The following DSTN variants were observed in gnomAD, a reference collection of about 807,000 sequenced individuals.
DSTN encodes destrin, actin depolymerizing factor.
DSTN carries 10 observed loss-of-function variants against 16.8 expected under a neutral mutation model. The ratio of observed to expected loss-of-function variants is 0.60; its 90% CI spans 0.37 to 1.01. The LOEUF (loss-of-function observed/expected upper bound fraction) is 1.01. Ranked by LOEUF, DSTN falls within the 50% of genes least tolerant of loss-of-function variation. The pLI is 0.01. For synonymous variants in DSTN, 57 were observed against 58.9 expected (o/e 0.97, Z 0.14); for missense variants, 141 against 196.7 (o/e 0.72, Z 1.69).
intron 2 of DSTN, among the ~76,000 whole-genome samples, chr20:17,603,531 T>G (rs2035609154): frequency 6.6e-6 from 1 of 152,190 alleles, no homozygotes; most frequent in African/African-American, 2.4e-5. Flanking sequence ...ATTTTAGCAG[T>G]GTGGCATGGA....
At chr20:17,586,029 A>G (rs2035404176) in intron 1 of DSTN, among the ~76,000 whole-genome samples, 1 of 152,192 alleles carries the variant, frequency 6.6e-6, no homozygotes, top group Non-Finnish European at 1.5e-5. Context: ...AGAGAGAGAA[A>G]GCTTCCTTAT....
Position 17,570,148 on chromosome 20 carries a change from G to T in DSTN, c.-61G>T, listed in dbSNP as rs1181872965. 7.3e-6 allele frequency: 11 copies of T among 1,516,050 alleles called. No individual in the cohort carries two copies. Among genetic ancestry groups the T allele is most frequent in the South Asian group, 1.2e-5 (1 of 82,824 alleles). 93.9% of individuals were successfully genotyped at this position (1,516,050 alleles called of 1,614,324 possible). ...CGGTCCCGCAGCCGTGAGGAGGACG[G>T]TCTGCATACTCGCTGCCCGCCGGCT... On this transcript the variant is annotated 5_prime_UTR_variant, in exon 1 of 4. Transcript: ENST00000246069.
At chr20:17,583,735 C>CTTTTTTTTTTGTTTT (rs2035372922) in intron 1 of DSTN, among the ~76,000 whole-genome samples, 1 of 72,484 alleles carries the variant, frequency 1.4e-5, no homozygotes, top group African/African-American at 5.4e-5. Context: ...TTTGGAGTTT[C>CTTTTTTTTTTGTTTT]TTTTTTTTTT....
intron 2 of DSTN, among the ~76,000 whole-genome samples, chr20:17,601,648 A>G (rs1262672849): frequency 6.6e-6 from 1 of 152,232 alleles, no homozygotes; most frequent in Non-Finnish European, 1.5e-5. Flanking sequence ...CACCTTATTG[A>G]GTAGCACAGA....
chr20:17,605,997 A>G (rs1443563994), intron 3 of DSTN, among the ~76,000 whole-genome samples: 1 of 152,102 alleles, frequency 6.6e-6, no homozygotes. Context: ...AATCCCAGCT[A>G]CTTGGGAGGC....
At chr20:17,591,914 TG>T (rs1358490353) in intron 1 of DSTN, 6 of 985,304 alleles carry the variant, frequency 6.1e-6, no homozygotes, top group Non-Finnish European at 7.2e-6. Context: ...TCTTTCCATC[TG>T]CTAATCTTTA....
chr20:17,577,691 A>G (rs1399356442), intron 1 of DSTN, among the ~76,000 whole-genome samples: 1 of 152,190 alleles, frequency 6.6e-6, no homozygotes, highest in African/African-American at 2.4e-5. Context: ...TAATATTTTA[A>G]TATACTTTTA....
intron 1 of DSTN, among the ~76,000 whole-genome samples, chr20:17,573,770 CTT>C (rs746947909): frequency 1.3e-5 from 2 of 152,040 alleles, no homozygotes; most frequent in South Asian, 4.2e-4. Context: ...TGAGCTGACT[CTT>C]TTCATATGTT....
intron 2 of DSTN, among the ~76,000 whole-genome samples, chr20:17,601,259 G>C (rs971784898): frequency 7.4e-6 from 1 of 135,302 alleles, no homozygotes; most frequent in Admixed American, 7.3e-5. Flanking sequence ...GTGACTCTCC[G>C]TTTTTGTTTT....
intron 1 of DSTN, among the ~76,000 whole-genome samples, chr20:17,585,370 T>G (rs996526936): frequency 1.3e-5 from 2 of 152,156 alleles, no homozygotes; most frequent in African/African-American, 2.4e-5. Flanking sequence ...ACAGGTAGAT[T>G]AGTTAACCAG....
chr20:17,583,815 C>T (rs970040597), intron 1 of DSTN, among the ~76,000 whole-genome samples: 1 of 139,470 alleles, frequency 7.2e-6, no homozygotes, highest in Non-Finnish European at 1.5e-5. Flanking sequence ...TAGCTCACTG[C>T]AGCCTCTACC....
intron 1 of DSTN, among the ~76,000 whole-genome samples, chr20:17,591,434 C>T (rs988521090): frequency 6.6e-6 from 1 of 151,524 alleles, no homozygotes; most frequent in Non-Finnish European, 1.5e-5. Context: ...GTCCGTGGCA[C>T]ACACAAAAAA....
At chr20:17,604,510 C>G (rs370430923) in intron 2 of DSTN, 45 bp from the exon 3 acceptor site, 3 of 1,573,660 alleles carry the variant, frequency 1.9e-6, no homozygotes, top group African/African-American at 2.7e-5. Flanking sequence ...GCAAGTTATA[C>G]TTTCTCTAAA....
At chr20:17,575,819 C>T (rs563413948) in intron 1 of DSTN, among the ~76,000 whole-genome samples, 3 of 152,294 alleles carry the variant, frequency 2.0e-5, no homozygotes, top group East Asian at 1.9e-4. Flanking sequence ...TGAGCCACTG[C>T]GCCCAGCCGT....
At chr20:17,576,802 G>A (rs896462062) in intron 1 of DSTN, among the ~76,000 whole-genome samples, 2 of 152,198 alleles carry the variant, frequency 1.3e-5, no homozygotes, top group African/African-American at 4.8e-5. Flanking sequence ...GGAAAGCAAG[G>A]ATGAATTTCC....
chr20:17,595,637 T>C (rs1254612216), intron 1 of DSTN, among the ~76,000 whole-genome samples: 3 of 151,720 alleles, frequency 2.0e-5, no homozygotes, highest in Admixed American at 1.3e-4. Context: ...AAAAAAAATC[T>C]CCTCTGGAGC....
At chr20:17,570,821 C>T (rs2035195333) in intron 1 of DSTN, among the ~76,000 whole-genome samples, 3 of 152,182 alleles carry the variant, frequency 2.0e-5, no homozygotes, top group African/African-American at 4.8e-5. Flanking sequence ...TTCTTTTTAT[C>T]TGGCAATCGG....
intron 2 of DSTN, among the ~76,000 whole-genome samples, chr20:17,602,042 TG>T (rs1308011287): frequency 1.3e-5 from 2 of 151,936 alleles, no homozygotes; most frequent in African/African-American, 4.8e-5. Flanking sequence ...ATCAATAGCT[TG>T]GAGTGTAAAA....
chr20:17,592,043 A>G, intron 1 of DSTN: 1 of 985,452 alleles, frequency 1.0e-6, no homozygotes, highest in Non-Finnish European at 1.2e-6. Context: ...AGCCCTGGGC[A>G]GTGTTGGGCC....
Sources: gnomAD v4.1 joint callset for allele counts (sites outside exome capture counted in the v4.1 genomes callset) on GRCh38, gnomAD v4.1.1 for gene constraint, MANE v1.5 for transcripts, NCBI Gene and HGNC (gene_info 2026-07-23, HGNC 2026-07-21) for gene names.